The following ST6GALNAC3 variants were observed in gnomAD, a reference collection of about 807,000 sequenced individuals.
ST6GALNAC3 encodes alpha-N-acetylgalactosaminide alpha-2,6-sialyltransferase 3.
ST6GALNAC3 carries 25 observed loss-of-function variants against 32.7 expected under a neutral mutation model. That is an observed-to-expected ratio of 0.76 (90% CI 0.56 to 1.07). The LOEUF is 1.07. Among genes scored for constraint, ST6GALNAC3 ranks in the 50% least tolerant of loss-of-function variants. The probability of loss-of-function intolerance (pLI) is 0.00; values close to 1 mark genes in which losing one functional copy is unlikely to be tolerated. For missense variants in ST6GALNAC3, 355 were observed against 382.4 expected, an observed-to-expected ratio of 0.93 and a Z score of 0.60; for synonymous variants, 129 against 133.1, an observed-to-expected ratio of 0.97 and a Z score of 0.21.
At chr1:76,606,053 A>G (rs1647523780) in intron 3 of ST6GALNAC3, among the ~76,000 whole-genome samples, 1 of 152,002 alleles carries the variant, frequency 6.6e-6, no homozygotes, top group Non-Finnish European at 1.5e-5. Context: ...AATTATTAAA[A>G]CATCAAGAAA....
At chr1:76,283,999 A>G (rs912097904) in intron 1 of ST6GALNAC3, among the ~76,000 whole-genome samples, 4 of 111,502 alleles carry the variant, frequency 3.6e-5, no homozygotes, top group African/African-American at 1.4e-4. Flanking sequence ...TCATTCATCT[A>G]TTTTTTGCCC....
chr1:76,079,374 T>G (rs906557593), intron 1 of ST6GALNAC3, among the ~76,000 whole-genome samples: 1 of 152,214 alleles, frequency 6.6e-6, no homozygotes, highest in Non-Finnish European at 1.5e-5. Context: ...ATATTTTCTT[T>G]TATGATTTCT....
intron 1 of ST6GALNAC3, among the ~76,000 whole-genome samples, chr1:76,270,982 A>G (rs1658813129): frequency 6.6e-6 from 1 of 152,190 alleles, no homozygotes; most frequent in Non-Finnish European, 1.5e-5. Flanking sequence ...CCAAGGGACA[A>G]CGGGCTCAAA....
intron 3 of ST6GALNAC3, among the ~76,000 whole-genome samples, chr1:76,427,926 T>A (rs893389783): frequency 2.6e-5 from 4 of 152,152 alleles, no homozygotes; most frequent in African/African-American, 9.7e-5. Flanking sequence ...AATGTCTTTC[T>A]ATAGTTCTGG....
chr1:76,333,072 A>G (rs986726486), intron 2 of ST6GALNAC3, among the ~76,000 whole-genome samples: 3 of 152,130 alleles, frequency 2.0e-5, no homozygotes, highest in Non-Finnish European at 4.4e-5. Context: ...CCTGCCTGCC[A>G]TTAGTGGTGT....
intron 1 of ST6GALNAC3, among the ~76,000 whole-genome samples, chr1:76,189,860 A>G (rs1211469275): frequency 6.6e-6 from 1 of 152,168 alleles, no homozygotes; most frequent in Non-Finnish European, 1.5e-5. Flanking sequence ...TAGAGGCATG[A>G]AAGAATCTCT....
Position 76,627,451 on chromosome 1 carries a change from G to C in ST6GALNAC3, c.624-1G>C. On this transcript the variant is annotated splice_acceptor_variant, in intron 3 of 4. Coordinates refer to ENST00000328299, the MANE Select transcript of ST6GALNAC3 (RefSeq NM_152996.4). LOFTEE classifies it high-confidence loss of function. ...TTATTGTTTGTTTTCATTTCCCTCA[G>C]AGTCCAGTCTGGCTCATATCTCAGC... 6.2e-7 allele frequency: 1 copy of C among 1,600,560 alleles called. No homozygotes were observed. The highest frequency in any genetic ancestry group is 8.6e-7 in the Non-Finnish European group (1 of 1,168,558).
chr1:76,588,423 G>T (rs1005733614), intron 3 of ST6GALNAC3, among the ~76,000 whole-genome samples: 3 of 152,076 alleles, frequency 2.0e-5, no homozygotes, highest in Non-Finnish European at 4.4e-5. Flanking sequence ...AAGTTGCTCA[G>T]AAATATAAGC....
chr1:76,405,188 G>A (rs1465499114), intron 2 of ST6GALNAC3, among the ~76,000 whole-genome samples: 2 of 152,024 alleles, frequency 1.3e-5, no homozygotes, highest in African/African-American at 2.4e-5. Context: ...TCATAATTTA[G>A]TGTCTTGACC....
chr1:76,401,480 C>T (rs1441989894), intron 2 of ST6GALNAC3, among the ~76,000 whole-genome samples: 1 of 152,030 alleles, frequency 6.6e-6, no homozygotes, highest in Non-Finnish European at 1.5e-5. Flanking sequence ...CCTGTAATTC[C>T]GTATGTGGAG....
chr1:76,594,401 T>C (rs537084567), intron 3 of ST6GALNAC3, among the ~76,000 whole-genome samples: 1 of 152,310 alleles, frequency 6.6e-6, no homozygotes, highest in South Asian at 2.1e-4. Flanking sequence ...GTTTGTCCCT[T>C]ATCTCAATAC....
At chr1:76,440,200 G>A (rs1434523937) in intron 3 of ST6GALNAC3, among the ~76,000 whole-genome samples, 5 of 152,248 alleles carry the variant, frequency 3.3e-5, no homozygotes, top group Non-Finnish European at 5.9e-5. Context: ...TGTGCTGAAG[G>A]AGTTCAGTGT....
intron 1 of ST6GALNAC3, among the ~76,000 whole-genome samples, chr1:76,138,367 A>G (rs1179226413): frequency 6.6e-6 from 1 of 152,136 alleles, no homozygotes; most frequent in Admixed American, 6.5e-5. Flanking sequence ...CTTTGAGAAC[A>G]TAGGGTGGGG....
At chr1:76,305,929 G>C in intron 1 of ST6GALNAC3, 1 of 518,084 alleles carries the variant, frequency 1.9e-6, no homozygotes, top group South Asian at 1.4e-5. Flanking sequence ...CTGTGTTCTA[G>C]TGTGTGAATT....
intron 3 of ST6GALNAC3, among the ~76,000 whole-genome samples, chr1:76,419,408 A>G (rs1430477287): frequency 2.0e-5 from 3 of 152,162 alleles, no homozygotes; most frequent in African/African-American, 7.2e-5. Context: ...TTAAATGGGA[A>G]GCTTCATTAA....
At chr1:76,482,730 A>C (rs1420309335) in intron 3 of ST6GALNAC3, among the ~76,000 whole-genome samples, 1 of 151,662 alleles carries the variant, frequency 6.6e-6, no homozygotes, top group Non-Finnish European at 1.5e-5. Flanking sequence ...TTTTATTTTT[A>C]TTATTATTAT....
At chr1:76,585,538 C>A (rs1447820510) in intron 3 of ST6GALNAC3, among the ~76,000 whole-genome samples, 1 of 152,126 alleles carries the variant, frequency 6.6e-6, no homozygotes, top group Non-Finnish European at 1.5e-5. Context: ...ACCTCCAAGG[C>A]ATAGTTGGAC....
chr1:76,528,426 A>G (rs996681557), intron 3 of ST6GALNAC3, among the ~76,000 whole-genome samples: 1 of 152,148 alleles, frequency 6.6e-6, no homozygotes, highest in Non-Finnish European at 1.5e-5. Context: ...GAGCTCATTC[A>G]TAACTATTGT....
intron 1 of ST6GALNAC3, among the ~76,000 whole-genome samples, chr1:76,240,837 A>G (rs1316998957): frequency 3.3e-5 from 5 of 152,140 alleles, no homozygotes; most frequent in Admixed American, 3.3e-4. Flanking sequence ...CTTAATACCC[A>G]TTTTTATCTA....
Sources: allele counts gnomAD v4.1 joint callset (sites outside exome capture counted in the v4.1 genomes callset), GRCh38; gene constraint gnomAD v4.1.1; transcripts MANE v1.5; gene names NCBI Gene and HGNC (gene_info 2026-07-23, HGNC 2026-07-21).